The following PLEKHA2 variants were observed in gnomAD, a reference collection of about 807,000 sequenced individuals.
PLEKHA2 encodes the protein pleckstrin homology domain containing A2, also known as pleckstrin homology domain-containing family A member 2.
PLEKHA2 carries 28 observed loss-of-function variants against 53.2 expected under a neutral mutation model. The observed-to-expected ratio is 0.53, with a 90% CI of 0.39 to 0.72. The LOEUF (loss-of-function observed/expected upper bound fraction) is 0.72. Among genes scored for constraint, PLEKHA2 ranks in the 30% least tolerant of loss-of-function variants. The pLI is 0.00. For synonymous variants in PLEKHA2, 193 were observed against 196.4 expected, an observed-to-expected ratio of 0.98 and a Z score of 0.14; for missense variants, 426 against 537.9, an observed-to-expected ratio of 0.79 and a Z score of 2.06.
At chr8:38,929,944 G>T (rs1359254962) in intron 2 of PLEKHA2, among the ~76,000 whole-genome samples, 1 of 152,200 alleles carries the variant, frequency 6.6e-6, no homozygotes. Context: ...GCGGAAGGGA[G>T]TAGAAGTCAC....
At chr8:38,964,647 A>T (rs1452761381) in intron 10 of PLEKHA2, among the ~76,000 whole-genome samples, 3 of 151,980 alleles carry the variant, frequency 2.0e-5, no homozygotes, top group African/African-American at 4.8e-5. Flanking sequence ...ATCTACTTGG[A>T]TCCCCTGAAA....
chr8:38,961,901 G>T (rs1238701841), intron 10 of PLEKHA2, among the ~76,000 whole-genome samples: 3 of 152,196 alleles, frequency 2.0e-5, no homozygotes, highest in African/African-American at 7.2e-5. Flanking sequence ...AGTCTTTTCT[G>T]TTAAGAAAAG....
intron 5 of PLEKHA2, among the ~76,000 whole-genome samples, chr8:38,949,031 C>T (rs1000253307): frequency 2.0e-5 from 3 of 152,064 alleles, no homozygotes; most frequent in Non-Finnish European, 2.9e-5. Flanking sequence ...CCACTACGCC[C>T]AGCTAATTTT....
At chr8:38,952,780 C>T (rs929008774) in intron 8 of PLEKHA2, 76 bp downstream of exon 8, 5 of 1,436,760 alleles carry the variant, frequency 3.5e-6, no homozygotes, top group African/African-American at 1.4e-5. Flanking sequence ...CACAGGAGAG[C>T]GTGCATGAGT....
Position 38,922,325 on chromosome 8 carries a change from T to C in PLEKHA2, c.141+4255T>C, listed in dbSNP as rs925234374. Among the ~76,000 whole-genome samples the C allele has an allele frequency of 2.6e-5, 4 of 152,258 alleles. No homozygotes were observed. The highest frequency in any genetic ancestry group is 4.2e-4 in the South Asian group (2 of 4,818). On this transcript the variant is annotated intron_variant, in intron 2 of 11. Coordinates refer to ENST00000617275, the MANE Select transcript of PLEKHA2 (RefSeq NM_021623.2). This position sits in a 1 kb window ranked among gnomAD's most constrained non-coding sequence, Gnocchi z 4.0. ...TTATCATAGTGTTTCCAGCATTTGA[T>C]GAATATGTGTTCATTGAATGAAGGA...
intron 2 of PLEKHA2, among the ~76,000 whole-genome samples, chr8:38,920,326 ATTTT>A (rs890049175): frequency 2.0e-5 from 3 of 150,118 alleles, no homozygotes; most frequent in African/African-American, 4.9e-5. Context: ...AATTTTTTGT[ATTTT>A]TTTTTAGTAG....
chr8:38,973,355 T>C lies in PLEKHA2; in HGVS notation c.*3572T>C, dbSNP rs1041905745. 6.6e-6 allele frequency: 1 copy of C among 152,084 alleles called. No individual in the cohort carries two copies. The highest frequency in any genetic ancestry group is 2.4e-5 in the African/African-American group (1 of 41,404). The allele number at this position is 152,084 out of a possible 1,614,324, so 9.4% of individuals were successfully genotyped here. On this transcript the variant is annotated 3_prime_UTR_variant, in exon 12 of 12. Transcript: ENST00000617275. ...GTCTACTTGAAGCAAATTTTTTTTC[T>C]TTTATATTTCTGAATATAAATATAC...
At chr8:38,910,909 TA>T (rs1833944460) in intron 1 of PLEKHA2, among the ~76,000 whole-genome samples, 1 of 152,196 alleles carries the variant, frequency 6.6e-6, no homozygotes, top group Non-Finnish European at 1.5e-5. Context: ...TCTTAAGTTT[TA>T]AAAAGGCCAA....
At chr8:38,908,479 T>C (rs909888604) in intron 1 of PLEKHA2, among the ~76,000 whole-genome samples, 2 of 152,216 alleles carry the variant, frequency 1.3e-5, no homozygotes, top group African/African-American at 4.8e-5. Flanking sequence ...AAATTTATTA[T>C]CAGATTCAAA....
intron 10 of PLEKHA2, among the ~76,000 whole-genome samples, chr8:38,967,369 A>G (rs1432965577): frequency 2.6e-5 from 4 of 152,202 alleles, no homozygotes; most frequent in African/African-American, 9.6e-5. Flanking sequence ...AGAGACACCC[A>G]CTATTGGGAT....
chr8:38,939,034 G>A (rs775103867), intron 3 of PLEKHA2, among the ~76,000 whole-genome samples: 17 of 151,958 alleles, frequency 1.1e-4, no homozygotes, highest in Non-Finnish European at 1.8e-4. Context: ...CTCCCGAGTA[G>A]CTGGGATTAC....
chr8:38,912,607 T>A (rs560527260), intron 1 of PLEKHA2, among the ~76,000 whole-genome samples: 4 of 152,160 alleles, frequency 2.6e-5, no homozygotes, highest in African/African-American at 9.7e-5. Flanking sequence ...TATGGTGACA[T>A]GGCAGAGGAG....
chr8:38,904,517 C>A (rs577280015), intron 1 of PLEKHA2, among the ~76,000 whole-genome samples: 20 of 152,362 alleles, frequency 1.3e-4, no homozygotes, highest in African/African-American at 4.8e-4. Context: ...GGTATGATTG[C>A]CCATGGCTGG....
intron 3 of PLEKHA2, among the ~76,000 whole-genome samples, chr8:38,938,841 G>A (rs1727373519): frequency 1.3e-5 from 2 of 152,158 alleles, no homozygotes; most frequent in Admixed American, 1.3e-4. Flanking sequence ...CTTCATGAGA[G>A]GAGGTGAAGC....
intron 3 of PLEKHA2, among the ~76,000 whole-genome samples, chr8:38,936,684 A>C (rs927987005): frequency 6.6e-6 from 1 of 152,158 alleles, no homozygotes; most frequent in Non-Finnish European, 1.5e-5. Flanking sequence ...TGGGGTGGGG[A>C]CTGGTTAACG....
Position 38,910,373 on chromosome 8 carries a change from AAGG to A in PLEKHA2, c.-23-7532_-23-7530del, listed in dbSNP as rs1833938344. On this transcript the variant is annotated intron_variant, in intron 1 of 11. Transcript: ENST00000617275. ...GAGAGAATGAAGGAGAGAGGGAGAG[AAGG>A]ACAGGGAGGGAGACAGAAAGAGAGG... Among the ~76,000 whole-genome samples, 3 of 152,282 alleles carry A rather than the reference AAGG, an allele frequency of 2.0e-5. No homozygotes were observed. In the South Asian group the frequency reaches 6.2e-4, roughly 32 times the overall value.
intron 2 of PLEKHA2, among the ~76,000 whole-genome samples, chr8:38,934,375 G>A (rs147717008): frequency 3.3e-5 from 5 of 152,094 alleles, no homozygotes; most frequent in African/African-American, 9.6e-5. Flanking sequence ...TCCTTTATCC[G>A]AGATTCATCT....
chr8:38,923,511 G>A (rs1282544238), intron 2 of PLEKHA2, among the ~76,000 whole-genome samples: 1 of 152,108 alleles, frequency 6.6e-6, no homozygotes, highest in African/African-American at 2.4e-5. Context: ...CCAGCCTGTA[G>A]GTGATCCTTA....
intron 5 of PLEKHA2, among the ~76,000 whole-genome samples, chr8:38,950,082 C>G (rs1393863339): frequency 1.3e-5 from 2 of 152,160 alleles, no homozygotes; most frequent in Non-Finnish European, 2.9e-5. Flanking sequence ...GTCTCTGTCA[C>G]CTAGCCTGGA....
Sources: gnomAD v4.1 joint callset for allele counts (sites outside exome capture counted in the v4.1 genomes callset) on GRCh38, gnomAD v4.1.1 for gene constraint, Gnocchi (gnomAD v3.1) non-coding constraint, MANE v1.5 for transcripts, NCBI Gene and HGNC (gene_info 2026-07-23, HGNC 2026-07-21) for gene names.